The following NHSL1 variants were observed in gnomAD, a reference collection of about 807,000 sequenced individuals.
The protein encoded by NHSL1 is NHS like 1, also known as NHS-like protein 1.
In NHSL1, 48 loss-of-function variants were observed where a neutral mutation model predicts 95.0. The observed-to-expected ratio is 0.51, with a 90% confidence interval of 0.40 to 0.64. NHSL1 has a LOEUF of 0.64. Ranked by LOEUF, NHSL1 falls within the 30% of genes least tolerant of loss-of-function variation. NHSL1 has a pLI of 0.00. For synonymous variants in NHSL1, 783 were observed against 833.9 expected, an observed-to-expected ratio of 0.94 and a Z score of 1.05; for missense variants, 1,971 against 2,077.7, an observed-to-expected ratio of 0.95 and a Z score of 1.00.
chr6:138,691,869 C>T (rs1785676682), intron 1 of NHSL1: 1 of 456,276 alleles, frequency 2.2e-6, no homozygotes, highest in Non-Finnish European at 4.4e-6. Context: ...TTCTGAATCA[C>T]AAAGAGCTGG....
intron 1 of NHSL1, among the ~76,000 whole-genome samples, chr6:138,568,704 A>G (rs2114404173): frequency 6.6e-6 from 1 of 152,352 alleles, no homozygotes; most frequent in African/African-American, 2.4e-5. Flanking sequence ...ACCTATCAAT[A>G]TGTATCTTGT....
At chr6:138,525,189 A>T (rs1175238166) in intron 1 of NHSL1, among the ~76,000 whole-genome samples, 1 of 152,162 alleles carries the variant, frequency 6.6e-6, no homozygotes, top group African/African-American at 2.4e-5. Flanking sequence ...TGGGTGCAAT[A>T]TTGTGTCATA....
chr6:138,443,832 AAAAATAAAAT>A (rs539233819), intron 4 of NHSL1, among the ~76,000 whole-genome samples: 11 of 152,326 alleles, frequency 7.2e-5, no homozygotes, highest in African/African-American at 2.2e-4. Context: ...CTCCATATCA[AAAAATAAAAT>A]AAAATAAAAT....
rs1774977705 is a variant in NHSL1 at position 138,422,438 on chromosome 6, T to G, written c.*1643A>C. The G allele has an allele frequency of 6.6e-6, 1 of 152,224 alleles. No homozygotes were observed. The highest frequency in any genetic ancestry group is 1.5e-5 in the Non-Finnish European group (1 of 68,036). The allele number at this position is 152,224 out of a possible 1,614,324, so 9.4% of individuals were successfully genotyped here. A position where few individuals can be genotyped will look rare whatever the true frequency, so the allele number is the denominator to read the frequency against. The stretch of plus-strand genomic sequence containing the variant: ...TATATGGGTATCTAAAGTTTTAGTT[T>G]ATAAGTCTCATAATGATTTGACCCA... On this transcript the variant is annotated 3_prime_UTR_variant, in exon 8 of 8. Transcript: ENST00000343505.
chr6:138,501,285 A>G (rs1033506821), upstream of NHSL1, among the ~76,000 whole-genome samples: 1 of 152,184 alleles, frequency 6.6e-6, no homozygotes, highest in Non-Finnish European at 1.5e-5. Context: ...CTACTCTTTC[A>G]TTTCATTGGG....
At chr6:138,439,292 C>G (rs1230944622) in intron 5 of NHSL1, among the ~76,000 whole-genome samples, 1 of 152,122 alleles carries the variant, frequency 6.6e-6, no homozygotes, top group Non-Finnish European at 1.5e-5. Flanking sequence ...TTTGGGACAT[C>G]ATTTTCTTTT....
At chr6:138,491,174 G>A (rs1390819183) in intron 2 of NHSL1, among the ~76,000 whole-genome samples, 1 of 152,166 alleles carries the variant, frequency 6.6e-6, no homozygotes, top group Non-Finnish European at 1.5e-5. Flanking sequence ...ATTTCTTCAG[G>A]AAAGAGCTGT....
Position 138,469,751 on chromosome 6 carries a change from C to T in NHSL1, c.339+3555G>A, listed in dbSNP as rs2128243942. ...CCTGTCTCAAAAACAAAAAACAAAA[C>T]AACAACAACAACAAAAACACAAAAA... On this transcript the variant is annotated intron_variant, in intron 3 of 7. Coordinates refer to ENST00000343505, the MANE Select transcript of NHSL1 (RefSeq NM_001144060.2). 1.3e-5 allele frequency among the ~76,000 whole-genome samples: 2 copies of T among 151,936 alleles called. 1 individual carries two copies. Among genetic ancestry groups the T allele is most frequent in the South Asian group, 4.2e-4 (2 of 4,802 alleles).
chr6:138,650,491 C>T, intron 1 of NHSL1: 1 of 778,910 alleles, frequency 1.3e-6, no homozygotes, highest in Non-Finnish European at 2.2e-6. Flanking sequence ...AGGCTGTCAT[C>T]CACCAGGTAG....
intron 1 of NHSL1, among the ~76,000 whole-genome samples, chr6:138,591,181 G>A (rs1412275671): frequency 1.3e-5 from 2 of 152,182 alleles, no homozygotes; most frequent in African/African-American, 2.4e-5. Flanking sequence ...TAGGTAAGGG[G>A]CTATTGATAC....
intron 1 of NHSL1, among the ~76,000 whole-genome samples, chr6:138,686,613 A>T (rs2114797739): frequency 6.6e-6 from 1 of 152,366 alleles, no homozygotes; most frequent in Middle Eastern, 3.4e-3. Flanking sequence ...CAAAATTGGA[A>T]AGGCCAGTAG....
At chr6:138,670,855 T>C (rs1785358808) in intron 1 of NHSL1, among the ~76,000 whole-genome samples, 1 of 151,646 alleles carries the variant, frequency 6.6e-6, no homozygotes, top group Non-Finnish European at 1.5e-5. Context: ...AAAGAAAGAA[T>C]AAGAAATGGA....
rs112278145 is a variant in NHSL1, at chr6:138,492,353, G to A, written c.211+3866C>T. The stretch of plus-strand genomic sequence containing the variant: ...ATCACACTACTGCCTGTTTACTACC[G>A]TAAGACAGTAAGCTTGCAGTAGCAA... On this transcript the variant is annotated intron_variant, in intron 2 of 7. Transcript: ENST00000343505. Among the ~76,000 whole-genome samples, 180 of 152,208 alleles carry A rather than the reference G, an allele frequency of 1.2e-3. 4 individuals are homozygous for A. Among genetic ancestry groups the A allele is most frequent in the African/African-American group, 3.9e-3 (164 of 41,524 alleles).
chr6:138,427,510 G>A (rs1037953558), intron 7 of NHSL1, among the ~76,000 whole-genome samples: 1 of 151,220 alleles, frequency 6.6e-6, no homozygotes, highest in African/African-American at 2.4e-5. Context: ...CTCAAGAGCA[G>A]GTGCCCACTA....
chr6:138,564,101 T>C (rs986248691), intron 1 of NHSL1, among the ~76,000 whole-genome samples: 1 of 152,162 alleles, frequency 6.6e-6, no homozygotes, highest in African/African-American at 2.4e-5. Context: ...GATACATGCA[T>C]AGTTTGTGTG....
At chr6:138,640,656 T>C (rs1392030465) in intron 1 of NHSL1, among the ~76,000 whole-genome samples, 1 of 152,210 alleles carries the variant, frequency 6.6e-6, no homozygotes, top group East Asian at 1.9e-4. Context: ...AACATGCAAA[T>C]CCGTGTCAAT....
chr6:138,441,935 G>T (rs186276286), intron 5 of NHSL1, 48 bp downstream of exon 5: 3 of 1,511,426 alleles, frequency 2.0e-6, no homozygotes, highest in African/African-American at 2.8e-5. Flanking sequence ...GCGCAGTAAG[G>T]CCGAGCAGCA....
At chr6:138,498,246 C>T (rs530945959) in intron 1 of NHSL1, among the ~76,000 whole-genome samples, 20 of 152,260 alleles carry the variant, frequency 1.3e-4, no homozygotes, top group Admixed American at 9.8e-4. Flanking sequence ...TTTTCCTATT[C>T]GACAATTTCA....
chr6:138,547,663 G>A (rs921901563), upstream of NHSL1, among the ~76,000 whole-genome samples: 12 of 152,170 alleles, frequency 7.9e-5, 1 homozygote, highest in African/African-American at 2.2e-4. Flanking sequence ...GATTACAGGC[G>A]TGAGCCACCA....
Sources: allele counts gnomAD v4.1 joint callset (sites outside exome capture counted in the v4.1 genomes callset), GRCh38; gene constraint gnomAD v4.1.1; transcripts MANE v1.5; gene names NCBI Gene and HGNC (gene_info 2026-07-23, HGNC 2026-07-21).